GABRR3: variants seen among roughly 807,000 people sequenced by gnomAD.
GABRR3 encodes gamma-aminobutyric acid type A receptor subunit rho3, also known as gamma-aminobutyric acid receptor subunit rho-3.
Under a neutral mutation model 43.2 loss-of-function variants are expected in GABRR3, and 29 were observed. The ratio of observed to expected loss-of-function variants is 0.67; its 90% confidence interval spans 0.50 to 0.92. GABRR3 has a LOEUF of 0.92. Ranked by LOEUF, GABRR3 falls within the 40% of genes least tolerant of loss-of-function variation. The pLI is 0.00. For missense variants in GABRR3, 576 were observed against 572.3 expected, an observed-to-expected ratio of 1.01 and a Z score of -0.07; for synonymous variants, 206 against 195.9, an observed-to-expected ratio of 1.05 and a Z score of -0.43.
exon 8 of GABRR3, chr3:98,001,636 C>G (rs1326656122): frequency 3.7e-6 from 6 of 1,613,114 alleles, no homozygotes; most frequent in Non-Finnish European, 4.2e-6. Flanking sequence ...CTTGCAGGAA[C>G]AGCTCTTCGG....
At chr3:97,992,923 C>T in exon 9 of GABRR3, 1 of 1,613,622 alleles carries the variant, frequency 6.2e-7, no homozygotes, top group Non-Finnish European at 8.5e-7. Flanking sequence ...TACTCAATGA[C>T]TGACAGGAAC....
rs568690772 is a variant in GABRR3 at position 98,035,023 on chromosome 3, G to A, written c.-2-34C>T. On this transcript the variant is annotated intron_variant, in intron 1 of 9. Transcript: ENST00000621172. The stretch of plus-strand genomic sequence containing the variant: ...ACAAAAAAACAGAAAGGATGCAGGT[G>A]AACGCAACCAATACTGTGATCACAG... 3.1e-6 allele frequency: 5 copies of A among 1,598,102 alleles called. No individual in the cohort carries two copies. The Admixed American group carries it at 6.9e-5, about 22-fold the overall frequency.
At chr3:98,032,328 A>G (rs1707096298) in intron 2 of GABRR3, among the ~76,000 whole-genome samples, 1 of 152,162 alleles carries the variant, frequency 6.6e-6, no homozygotes. Context: ...CAGCTGATAA[A>G]TTTCCTGAAA....
At chr3:98,017,519 T>C (rs990929495) in intron 4 of GABRR3, 136 bp downstream of exon 4, 10 of 679,924 alleles carry the variant, frequency 1.5e-5, no homozygotes, top group Non-Finnish European at 2.1e-5. Context: ...ACAGCAATCA[T>C]GACCCTATGA....
intron 3 of GABRR3, 53 bp from the exon 4 acceptor site, chr3:98,017,775 AAACC>A: frequency 1.6e-6 from 2 of 1,217,732 alleles, no homozygotes; most frequent in Non-Finnish European, 2.4e-6. Context: ...AATCATTTTA[AAACC>A]ATTTAAAACA....
At chr3:98,026,707 C>T (rs1707023745) in intron 2 of GABRR3, among the ~76,000 whole-genome samples, 1 of 151,990 alleles carries the variant, frequency 6.6e-6, no homozygotes, top group Admixed American at 6.6e-5. Flanking sequence ...GGATCCTAGT[C>T]ATTCTGAATA....
chr3:97,988,409 A>G (rs1016618909), intron 9 of GABRR3, among the ~76,000 whole-genome samples: 2 of 152,118 alleles, frequency 1.3e-5, no homozygotes, highest in African/African-American at 2.4e-5. Flanking sequence ...TCCTCTTTCC[A>G]AGCAATGGTC....
At chr3:97,985,859 ATTTT>A (rs56136655), downstream of GABRR3, among the ~76,000 whole-genome samples, 442 of 149,686 alleles carry the variant, frequency 3.0e-3, 2 homozygotes, top group African/African-American at 7.9e-3. Flanking sequence ...ATATATATAT[ATTTT>A]TTTTTATTTT....
intron 3 of GABRR3, among the ~76,000 whole-genome samples, chr3:98,020,837 C>T (rs959664104): frequency 9.3e-5 from 14 of 151,026 alleles, no homozygotes; most frequent in South Asian, 2.1e-4. Context: ...CCTTGGGTGC[C>T]GTCTGGCCTC....
At chr3:98,000,455 G>A (rs1194335567) in intron 8 of GABRR3, 1 of 152,082 alleles carries the variant, frequency 6.6e-6, no homozygotes, top group African/African-American at 2.4e-5. Flanking sequence ...CAGTACTGAG[G>A]TTAGGGCACA....
intron 3 of GABRR3, among the ~76,000 whole-genome samples, chr3:98,025,178 G>T (rs1706995260): frequency 6.6e-6 from 1 of 152,204 alleles, no homozygotes; most frequent in Admixed American, 6.5e-5. Flanking sequence ...TTCAGAGGAA[G>T]CCATGGCATT....
At chr3:98,031,824 C>G (rs529566756) in intron 2 of GABRR3, among the ~76,000 whole-genome samples, 1 of 152,214 alleles carries the variant, frequency 6.6e-6, no homozygotes, top group African/African-American at 2.4e-5. Context: ...CTCAGAGGAG[C>G]ATATACCTTG....
intron 7 of GABRR3, among the ~76,000 whole-genome samples, chr3:98,006,431 G>T (rs1053960628): frequency 6.6e-6 from 1 of 152,178 alleles, no homozygotes; most frequent in East Asian, 1.9e-4. Flanking sequence ...TTTCTTCTGG[G>T]TCTAAATAGA....
exon 10 of GABRR3, chr3:97,986,860 T>C (rs1027090198): frequency 3.1e-6 from 5 of 1,612,330 alleles, no homozygotes; most frequent in Admixed American, 1.7e-5. Flanking sequence ...ATATCGATTT[T>C]CTTCTCATGA....
Position 98,001,326 on chromosome 3 carries a change from TAA to T in GABRR3, c.907+287_907+288del, listed in dbSNP as rs147025538. ...CTTAAAAAAGAAAAGAGATAAGCTT[TAA>T]AAGTGAGGCTGTTTATGCTTCATAA... On this transcript the variant is annotated intron_variant, in intron 8 of 9. Coordinates refer to ENST00000621172, the Ensembl canonical transcript of GABRR3. The T allele has an allele frequency of 5.6e-3, 2,050 of 365,052 alleles. 42 individuals are homozygous for T. The highest frequency in any genetic ancestry group is 0.038 in the African/African-American group (1,911 of 49,820). 22.6% of individuals were successfully genotyped at this position (365,052 alleles called of 1,614,324 possible).
intron 2 of GABRR3, among the ~76,000 whole-genome samples, chr3:98,029,672 T>C (rs915206932): frequency 2.0e-5 from 3 of 152,262 alleles, no homozygotes; most frequent in East Asian, 1.9e-4. Context: ...AAGAGACTAG[T>C]TACCCAAGGG....
intron 7 of GABRR3, among the ~76,000 whole-genome samples, chr3:98,006,648 G>A (rs1706726853): frequency 6.6e-6 from 1 of 152,198 alleles, no homozygotes. Context: ...GAAACTCAGG[G>A]ACAGCTGTTG....
chr3:98,026,068 A>C (rs1240630965), intron 2 of GABRR3, among the ~76,000 whole-genome samples: 1 of 152,202 alleles, frequency 6.6e-6, no homozygotes, highest in Non-Finnish European at 1.5e-5. Context: ...AGTAATCTGC[A>C]CCTGAACAAG....
chr3:98,012,337 T>C lies in GABRR3; in HGVS notation c.530+7A>G, dbSNP rs1706803399. ...GGAAGCCAAAGGCGATAGGCAGCTTTCCTTACCTGAGACTTAGGAGGACGT... is the reference window on the plus strand; with the variant it reads ...GGAAGCCAAAGGCGATAGGCAGCTTCCCTTACCTGAGACTTAGGAGGACGT... On this transcript the variant is annotated splice_region_variant and intron_variant, in intron 5 of 9. Transcript: ENST00000621172. 1 of 1,610,838 alleles carries C rather than the reference T, an allele frequency of 6.2e-7. No individual in the cohort carries two copies. Among genetic ancestry groups the C allele is most frequent in the Non-Finnish European group, 8.5e-7 (1 of 1,177,566 alleles).
Sources: allele counts gnomAD v4.1 joint callset (sites outside exome capture counted in the v4.1 genomes callset), GRCh38; gene constraint gnomAD v4.1.1; transcripts MANE v1.5; gene names NCBI Gene and HGNC (gene_info 2026-07-23, HGNC 2026-07-21).